SCFD2: variants seen among roughly 807,000 people sequenced by gnomAD.
The protein encoded by SCFD2 is sec1 family domain-containing protein 2.
A neutral mutation model predicts 58.9 loss-of-function variants in SCFD2; 54 were observed. The ratio of observed to expected loss-of-function variants is 0.92; its 90% CI spans 0.74 to 1.15. The LOEUF (loss-of-function observed/expected upper bound fraction) is 1.15. SCFD2 is among the 50% of genes most tolerant of loss of function. The pLI, the probability that SCFD2 is intolerant of heterozygous loss-of-function variation, is 0.00. For missense variants in SCFD2, 805 were observed against 836.6 expected (o/e 0.96, Z 0.47); for synonymous variants, 321 against 335.9 (o/e 0.96, Z 0.49).
chr4:52,966,918 G>A (rs1456942105), intron 5 of SCFD2, among the ~76,000 whole-genome samples: 1 of 152,040 alleles, frequency 6.6e-6, no homozygotes, highest in African/African-American at 2.4e-5. Context: ...CATTCACATT[G>A]TGCAGCCAAC....
chr4:53,331,808 G>T (rs866069129), intron 2 of SCFD2, among the ~76,000 whole-genome samples: 1 of 152,126 alleles, frequency 6.6e-6, no homozygotes, highest in Admixed American at 6.5e-5. Context: ...GAATCCAGGA[G>T]CTGGTTTTTT....
At chr4:53,088,233 C>T (rs1403345961) in intron 5 of SCFD2, among the ~76,000 whole-genome samples, 5 of 152,270 alleles carry the variant, frequency 3.3e-5, no homozygotes, top group South Asian at 2.1e-4. Flanking sequence ...GGAAGAATGA[C>T]CCCAAAGATG....
chr4:53,276,429 C>T (rs1731329502), intron 3 of SCFD2, among the ~76,000 whole-genome samples: 1 of 151,928 alleles, frequency 6.6e-6, no homozygotes, highest in Non-Finnish European at 1.5e-5. Flanking sequence ...GGTACTGACC[C>T]ACATATACAT....
At chr4:53,167,282 C>A (rs2148933083) in intron 4 of SCFD2, among the ~76,000 whole-genome samples, 1 of 152,330 alleles carries the variant, frequency 6.6e-6, no homozygotes, top group South Asian at 2.1e-4. Context: ...TACCACCTTA[C>A]AATGATTTCC....
At chr4:53,292,638 T>C (rs1290180791) in intron 3 of SCFD2, among the ~76,000 whole-genome samples, 1 of 151,830 alleles carries the variant, frequency 6.6e-6, no homozygotes, top group East Asian at 1.9e-4. Flanking sequence ...TGGACGACAG[T>C]GTGGCAATTC....
intron 5 of SCFD2, among the ~76,000 whole-genome samples, chr4:53,102,013 A>G (rs1449445421): frequency 6.6e-6 from 1 of 152,190 alleles, no homozygotes; most frequent in Non-Finnish European, 1.5e-5. Flanking sequence ...AAAACCTACC[A>G]CAAAATCTGT....
intron 2 of SCFD2, among the ~76,000 whole-genome samples, chr4:53,332,529 C>T (rs1733516656): frequency 6.6e-6 from 1 of 152,152 alleles, no homozygotes. Context: ...CAGAAAATGC[C>T]TTTGACAAAA....
chr4:53,361,668 G>A (rs1055272955), intron 1 of SCFD2, among the ~76,000 whole-genome samples: 4 of 152,166 alleles, frequency 2.6e-5, no homozygotes, highest in African/African-American at 9.7e-5. Flanking sequence ...TTACAGGCAT[G>A]AGCCACCACA....
chr4:53,048,098 C>G lies in SCFD2; in HGVS notation c.1561+97235G>C, dbSNP rs571846650. On this transcript the variant is annotated intron_variant, in intron 5 of 8. Transcript: ENST00000401642. ...ACGCGCAGTTGCTCAGACCTGTAAT[C>G]CCAGCACTTTAGGAGGCCGAAGTGG... 3.8e-4 allele frequency among the ~76,000 whole-genome samples: 58 copies of G among 152,292 alleles called. No homozygotes were observed. In the South Asian group the frequency reaches 4.4e-3, roughly 11 times the overall value.
intron 4 of SCFD2, among the ~76,000 whole-genome samples, chr4:53,254,805 T>A (rs1463694826): frequency 7.2e-6 from 1 of 138,968 alleles, no homozygotes; most frequent in Admixed American, 7.3e-5. Flanking sequence ...TTATTTTATT[T>A]TTTTATTTTA....
intron 4 of SCFD2, among the ~76,000 whole-genome samples, chr4:53,211,158 G>A (rs1384471879): frequency 2.0e-5 from 3 of 151,594 alleles, no homozygotes; most frequent in African/African-American, 4.9e-5. Context: ...CAGGGGAATC[G>A]TTTGAACCCG....
At chr4:53,087,637 C>A (rs1724347197) in intron 5 of SCFD2, among the ~76,000 whole-genome samples, 1 of 146,970 alleles carries the variant, frequency 6.8e-6, no homozygotes, top group Non-Finnish European at 1.5e-5. Flanking sequence ...CTGGCCAAAG[C>A]TATTTCTTTT....
chr4:53,194,503 CT>C, intron 4 of SCFD2, among the ~76,000 whole-genome samples: 1 of 152,088 alleles, frequency 6.6e-6, no homozygotes, highest in East Asian at 1.9e-4. Context: ...ATATTCTTTT[CT>C]TCATATTACG....
intron 7 of SCFD2, among the ~76,000 whole-genome samples, chr4:52,887,656 C>A (rs951476447): frequency 1.3e-5 from 2 of 152,142 alleles, no homozygotes; most frequent in East Asian, 3.9e-4. Context: ...CAGCTGCCTG[C>A]GTGGCCACCA....
At chr4:52,882,141 G>A (rs116016252) in intron 8 of SCFD2, among the ~76,000 whole-genome samples, 2 of 152,162 alleles carry the variant, frequency 1.3e-5, no homozygotes, top group Admixed American at 6.5e-5. Flanking sequence ...CTGCAACATC[G>A]TCAGGGGATT....
At chr4:52,879,543 CTG>C (rs1271918290) in intron 8 of SCFD2, among the ~76,000 whole-genome samples, 6 of 152,176 alleles carry the variant, frequency 3.9e-5, no homozygotes, top group Admixed American at 2.0e-4. Context: ...TATCGACTGA[CTG>C]TGAGATGGGG....
At chr4:52,990,006 A>G (rs1721583280) in intron 5 of SCFD2, among the ~76,000 whole-genome samples, 1 of 152,178 alleles carries the variant, frequency 6.6e-6, no homozygotes, top group Non-Finnish European at 1.5e-5. Flanking sequence ...TGCATGTATA[A>G]ATAGGCTCGA....
intron 2 of SCFD2, among the ~76,000 whole-genome samples, chr4:53,331,824 G>C (rs1733483305): frequency 6.6e-6 from 1 of 151,948 alleles, no homozygotes; most frequent in African/African-American, 2.4e-5. Context: ...TTTTTGAAAA[G>C]ATCAACAAAA....
chr4:52,965,726 GACC>G (rs1187669255), intron 5 of SCFD2, among the ~76,000 whole-genome samples: 1 of 152,138 alleles, frequency 6.6e-6, no homozygotes, highest in Non-Finnish European at 1.5e-5. Flanking sequence ...CCATACATGT[GACC>G]AAAACCTGCC....
Sources: allele counts gnomAD v4.1 joint callset (sites outside exome capture counted in the v4.1 genomes callset), GRCh38; gene constraint gnomAD v4.1.1; transcripts MANE v1.5; gene names NCBI Gene and HGNC (gene_info 2026-07-23, HGNC 2026-07-21).